The following PCDH17 variants were observed in gnomAD, a reference collection of about 807,000 sequenced individuals.
PCDH17 encodes protocadherin 17.
PCDH17 carries 21 observed loss-of-function variants against 67.7 expected under a neutral mutation model. The observed-to-expected ratio is 0.31, with a 90% CI of 0.22 to 0.45. The LOEUF (loss-of-function observed/expected upper bound fraction) is 0.45. Ranked by LOEUF, PCDH17 falls within the 20% of genes least tolerant of loss-of-function variation. The pLI is 1.00. For missense variants in PCDH17, 1,471 were observed against 1,564.8 expected (o/e 0.94, Z 1.01); for synonymous variants, 701 against 656.7 (o/e 1.07, Z -1.03).
intron 3 of PCDH17, among the ~76,000 whole-genome samples, chr13:57,683,511 T>G (rs538787377): frequency 1.3e-5 from 2 of 151,976 alleles, no homozygotes; most frequent in South Asian, 2.1e-4. Flanking sequence ...ATAGAAAAAC[T>G]TAGGTTAGGT....
In PCDH17 at chr13:57,634,816, G is replaced by A; in HGVS notation, c.2270G>A (p.Gly757Asp). 1 of 1,614,064 alleles carries A rather than the reference G, an allele frequency of 6.2e-7. No homozygotes were observed. Among genetic ancestry groups the A allele is most frequent in the Non-Finnish European group, 8.5e-7 (1 of 1,180,018 alleles). ...YSHPQLGGGK[G>D]KKKKINKNDI... ...CACCCGCAGCTGGGTGGGGGCAAGGGCAAGAAGAAGAAGATCAACAAAAAT... is the reference window on the plus strand; with the variant it reads ...CACCCGCAGCTGGGTGGGGGCAAGGACAAGAAGAAGAAGATCAACAAAAAT... The change falls in exon 1 of 4, where the codon GGC becomes GAC. Residue 757 changes from glycine to aspartate, a missense_variant. Around this residue, in one of 3 missense-constraint regions of PCDH17, gnomAD observed 1,163 missense variants for 1,230.0 expected, o/e 0.95. Transcript: ENST00000377918. The surrounding 1 kb of genome is among the most constrained non-coding windows in gnomAD (Gnocchi z 7.8).
At chr13:57,713,950 G>A (rs752362189) in intron 3 of PCDH17, among the ~76,000 whole-genome samples, 1 of 151,544 alleles carries the variant, frequency 6.6e-6, no homozygotes, top group Non-Finnish European at 1.5e-5. Flanking sequence ...ACACGGATCT[G>A]TTCGTGTACA....
Position 57,634,043 on chromosome 13 carries a change from C to G in PCDH17, c.1497C>G (p.Pro499=). The G allele has an allele frequency of 6.2e-7, 1 of 1,613,394 alleles. No homozygotes were observed. The highest frequency in any genetic ancestry group is 8.5e-7 in the Non-Finnish European group (1 of 1,180,022). ...EYLGSVLAQD[P]DLGQNGTVSY... ...TGGGCTCTGTGCTCGCCCAGGATCC[C>G]GACCTGGGCCAGAACGGCACCGTAT... The change falls in exon 1 of 4, where the codon CCC becomes CCG. Residue 499 remains proline (P), a synonymous_variant. Transcript: ENST00000377918. This position sits in a 1 kb window ranked among gnomAD's most constrained non-coding sequence, Gnocchi z 7.8.
chr13:57,708,609 C>T (rs569682256), intron 3 of PCDH17, among the ~76,000 whole-genome samples: 16 of 151,798 alleles, frequency 1.1e-4, no homozygotes, highest in African/African-American at 3.9e-4. Context: ...AAACACAAAG[C>T]CAGGGGAAAA....
chr13:57,644,271 G>A (rs1030551870), intron 1 of PCDH17, among the ~76,000 whole-genome samples: 3 of 151,480 alleles, frequency 2.0e-5, no homozygotes, highest in African/African-American at 7.3e-5. Context: ...AGGATCCTTG[G>A]CAGAAGTCTA....
chr13:57,701,927 G>A (rs182001389), intron 3 of PCDH17, among the ~76,000 whole-genome samples: 141 of 150,860 alleles, frequency 9.3e-4, no homozygotes, highest in Non-Finnish European at 1.6e-3. Context: ...AACTGTACGG[G>A]TTTTTTTTTG....
chr13:57,661,859 G>T (rs918924411), intron 1 of PCDH17, among the ~76,000 whole-genome samples: 7 of 152,006 alleles, frequency 4.6e-5, no homozygotes, highest in Non-Finnish European at 1.0e-4. Flanking sequence ...TCAATAGTAA[G>T]TCTTTTTGTT....
chr13:57,669,389 G>C (rs1566229051), intron 3 of PCDH17, among the ~76,000 whole-genome samples: 1 of 151,586 alleles, frequency 6.6e-6, no homozygotes, highest in Non-Finnish European at 1.5e-5. Context: ...CCCTCTTCAT[G>C]TTCCCCTCCT....
chr13:57,694,834 C>T (rs1197582208), intron 3 of PCDH17, among the ~76,000 whole-genome samples: 2 of 150,844 alleles, frequency 1.3e-5, no homozygotes, highest in African/African-American at 4.8e-5. Flanking sequence ...GTATGTAGGC[C>T]ATTGCCACAT....
chr13:57,653,759 G>A (rs1057461578), intron 1 of PCDH17, among the ~76,000 whole-genome samples: 3 of 152,006 alleles, frequency 2.0e-5, no homozygotes, highest in African/African-American at 7.2e-5. Context: ...GGAAAGAACC[G>A]GTATTTACTC....
intron 1 of PCDH17, among the ~76,000 whole-genome samples, chr13:57,641,587 AATATATATATATATATAT>A (rs1166347188): frequency 7.3e-4 from 15 of 20,576 alleles, no homozygotes; most frequent in Admixed American, 3.4e-3. Context: ...AAAAAAAAAA[AATATATATATATATATAT>A]ATATATATAT....
intron 3 of PCDH17, among the ~76,000 whole-genome samples, chr13:57,670,549 T>C (rs1356716323): frequency 6.7e-6 from 1 of 149,896 alleles, no homozygotes; most frequent in African/African-American, 2.4e-5. Context: ...TTTTATATTT[T>C]TATATTAGAA....
intron 1 of PCDH17, among the ~76,000 whole-genome samples, chr13:57,641,194 C>A (rs1260013459): frequency 1.3e-5 from 2 of 151,786 alleles, no homozygotes; most frequent in African/African-American, 4.8e-5. Flanking sequence ...GAGGCTTTGA[C>A]AATAATTTTC....
chr13:57,708,546 T>C (rs1342829325), intron 3 of PCDH17, among the ~76,000 whole-genome samples: 1 of 152,020 alleles, frequency 6.6e-6, no homozygotes, highest in Non-Finnish European at 1.5e-5. Context: ...TTCAGGTGTT[T>C]CCATCTGTTG....
intron 3 of PCDH17, among the ~76,000 whole-genome samples, chr13:57,687,054 A>G (rs994741883): frequency 2.0e-5 from 3 of 152,098 alleles, no homozygotes; most frequent in Admixed American, 6.6e-5. Flanking sequence ...GGCCATCACT[A>G]AATGAGTAAT....
intron 1 of PCDH17, among the ~76,000 whole-genome samples, chr13:57,660,501 G>A (rs745976315): frequency 6.6e-6 from 1 of 152,174 alleles, no homozygotes; most frequent in Non-Finnish European, 1.5e-5. Context: ...ATGTGATGCA[G>A]ATAATCATAT....
intron 3 of PCDH17, among the ~76,000 whole-genome samples, chr13:57,699,560 T>G (rs948756308): frequency 4.6e-5 from 7 of 152,020 alleles, no homozygotes; most frequent in African/African-American, 1.4e-4. Flanking sequence ...CTATTGTTCT[T>G]TACTAGCTCC....
At chr13:57,699,851 A>T (rs931506493) in intron 3 of PCDH17, among the ~76,000 whole-genome samples, 2 of 152,100 alleles carry the variant, frequency 1.3e-5, no homozygotes, top group African/African-American at 2.4e-5. Context: ...CAGGAAAAAA[A>T]TGTTAAAATT....
chr13:57,658,624 A>G (rs1021272110), intron 1 of PCDH17, among the ~76,000 whole-genome samples: 1 of 152,084 alleles, frequency 6.6e-6, no homozygotes, highest in East Asian at 1.9e-4. Context: ...GGGACTGCCT[A>G]TGTTCTGAGC....
Sources: allele counts gnomAD v4.1 joint callset (sites outside exome capture counted in the v4.1 genomes callset), GRCh38; gene constraint gnomAD v4.1.1; regional missense constraint gnomAD v4.1.1; non-coding constraint Gnocchi (gnomAD v3.1); transcripts MANE v1.5; gene names NCBI Gene and HGNC (gene_info 2026-07-23, HGNC 2026-07-21).